Variants in SNX29 observed in about 807,000 individuals in gnomAD.
SNX29 encodes the protein sorting nexin-29.
In SNX29, 78 loss-of-function variants were observed where a neutral mutation model predicts 102.1. That is an observed-to-expected ratio of 0.76 (90% confidence interval 0.64 to 0.92). The LOEUF is 0.92. SNX29 is among the 40% of genes least tolerant of loss of function. The pLI, the probability that SNX29 is intolerant of heterozygous loss-of-function variation, is 0.00. For missense variants in SNX29, 1,280 were observed against 1,061.7 expected (o/e 1.21, Z -2.86); for synonymous variants, 580 against 414.5 (o/e 1.40, Z -4.85).
intron 10 of SNX29, among the ~76,000 whole-genome samples, 175 bp from the exon 11 acceptor site, chr16:12,078,658 A>G (rs1336190972): frequency 1.3e-5 from 2 of 152,228 alleles, no homozygotes; most frequent in Non-Finnish European, 2.9e-5. Context: ...TAGTGCGTAG[A>G]TGAATTTCCA....
At chr16:12,156,696 C>T (rs989247866) in intron 13 of SNX29, among the ~76,000 whole-genome samples, 1 of 152,244 alleles carries the variant, frequency 6.6e-6, no homozygotes. Context: ...GCAAGGCAGG[C>T]CTCTCTAGGT....
chr16:12,538,006 G>A (rs866881407), intron 20 of SNX29, among the ~76,000 whole-genome samples: 1 of 139,712 alleles, frequency 7.2e-6, no homozygotes, highest in African/African-American at 3.2e-5. Flanking sequence ...AAAAAAAATT[G>A]TCTGCCATTT....
At chr16:12,292,648 G>C (rs988734771) in intron 15 of SNX29, among the ~76,000 whole-genome samples, 3 of 152,202 alleles carry the variant, frequency 2.0e-5, no homozygotes, top group African/African-American at 7.2e-5. Context: ...TAGCAGTTTG[G>C]CTTGGAAGAC....
chr16:12,180,258 T>C (rs761341862), intron 13 of SNX29, among the ~76,000 whole-genome samples: 2 of 152,202 alleles, frequency 1.3e-5, no homozygotes, highest in Non-Finnish European at 2.9e-5. Flanking sequence ...ATTTCTGAAA[T>C]ACTTTCTTTA....
Position 12,429,421 on chromosome 16 carries a change from C to T in SNX29, c.2037+25892C>T, listed in dbSNP as rs192003362. 2.6e-5 allele frequency among the ~76,000 whole-genome samples: 4 copies of T among 152,226 alleles called. No individual in the cohort carries two copies. The East Asian group carries it at 7.7e-4, about 29-fold the overall frequency. On this transcript the variant is annotated intron_variant, in intron 18 of 20. Coordinates refer to ENST00000566228, the MANE Select transcript of SNX29 (RefSeq NM_032167.5). ...GTCACATGTAAACGTCTGTGTTCTG[C>T]TTTTCTTTTTCCTCTAAGAGACAGT...
Position 12,375,515 on chromosome 16 carries a change from G to C in SNX29, c.1899+19236G>C, listed in dbSNP as rs575107368. The C allele has an allele frequency of 1.4e-4, 21 of 152,294 alleles. No homozygotes were observed. In the South Asian group the frequency reaches 4.1e-3, roughly 30 times the overall value. The allele number at this position is 152,294 out of a possible 1,614,324, so 9.4% of individuals were successfully genotyped here. ...CAGCCGGTGACTGCAGACACCTCAG[G>C]GCTCTCCTAGGGAAGGATCTGCGTC... On this transcript the variant is annotated intron_variant, in intron 16 of 20. Coordinates refer to ENST00000566228, the MANE Select transcript of SNX29 (RefSeq NM_032167.5).
In SNX29 at chr16:12,504,063, C is replaced by T. The variant is rs1249767801; in HGVS notation, c.2179-20639C>T. Among the ~76,000 whole-genome samples the T allele has an allele frequency of 2.0e-5, 3 of 152,140 alleles. No homozygotes were observed. In the East Asian group the frequency reaches 5.8e-4, roughly 29 times the overall value. ...AGTCACCCCATCCTCTCCTGCCAAA[C>T]CCCAGACCTCAGCCCCTAGCAACCA... On this transcript the variant is annotated intron_variant, in intron 19 of 20. Coordinates refer to ENST00000566228, the MANE Select transcript of SNX29 (RefSeq NM_032167.5).
At chr16:12,059,956 C>T (rs929971015) in intron 8 of SNX29, among the ~76,000 whole-genome samples, 4 of 152,200 alleles carry the variant, frequency 2.6e-5, no homozygotes, top group Non-Finnish European at 4.4e-5. Flanking sequence ...TGCCTCCCTT[C>T]CCTTTGTCTG....
At chr16:12,171,354 G>A (rs1049202062) in intron 13 of SNX29, among the ~76,000 whole-genome samples, 7 of 152,028 alleles carry the variant, frequency 4.6e-5, no homozygotes, top group Non-Finnish European at 1.0e-4. Context: ...GAGAAAACAC[G>A]CACAGTTAGT....
chr16:12,033,765 C>G (rs1355548598), intron 4 of SNX29, among the ~76,000 whole-genome samples: 4 of 152,020 alleles, frequency 2.6e-5, no homozygotes, highest in African/African-American at 9.7e-5. Context: ...CATCACCATG[C>G]CTGGTTAAGT....
intron 18 of SNX29, among the ~76,000 whole-genome samples, chr16:12,418,372 AT>A (rs34752243): frequency 4.7e-5 from 7 of 149,858 alleles, no homozygotes; most frequent in African/African-American, 1.5e-4. Flanking sequence ...GATTGTATTT[AT>A]TTTTTTTTTG....
intron 20 of SNX29, among the ~76,000 whole-genome samples, chr16:12,543,013 C>T (rs534654621): frequency 1.3e-5 from 2 of 152,278 alleles, no homozygotes; most frequent in African/African-American, 4.8e-5. Context: ...TGGCTAGCTT[C>T]AGGAATGGCT....
At chr16:12,468,336 C>T (rs764676704) in intron 18 of SNX29, among the ~76,000 whole-genome samples, 30 of 151,902 alleles carry the variant, frequency 2.0e-4, no homozygotes, top group South Asian at 8.4e-4. Flanking sequence ...CACCATGCCC[C>T]GCTAATTTTT....
In SNX29 at chr16:12,521,123, T is replaced by G. The variant is rs2013587; in HGVS notation, c.2179-3579T>G. Reference sequence around the variant, plus strand: ...TGAACCTGGGAGGCGGAGGTTGCAGTGAGCTGAGATCGTGTCACTGCACTG... The same window carrying G: ...TGAACCTGGGAGGCGGAGGTTGCAGGGAGCTGAGATCGTGTCACTGCACTG... On this transcript the variant is annotated intron_variant, in intron 19 of 20. Coordinates refer to ENST00000566228, the MANE Select transcript of SNX29 (RefSeq NM_032167.5). Among the ~76,000 whole-genome samples, 1,348 of 152,142 alleles carry G rather than the reference T, an allele frequency of 8.9e-3. 19 individuals are homozygous for G. The highest frequency in any genetic ancestry group is 0.03 in the African/African-American group (1,260 of 41,518).
chr16:12,523,407 C>G (rs971850034), intron 19 of SNX29, among the ~76,000 whole-genome samples: 1 of 152,252 alleles, frequency 6.6e-6, no homozygotes, highest in African/African-American at 2.4e-5. Context: ...TGTTTCTTCA[C>G]CTTGCTTGGT....
chr16:12,066,100 C>A (rs779821075), intron 9 of SNX29, among the ~76,000 whole-genome samples: 3 of 152,220 alleles, frequency 2.0e-5, no homozygotes, highest in Non-Finnish European at 4.4e-5. Flanking sequence ...CCTCACTGAG[C>A]GCTCTCATTG....
At chr16:12,429,462 C>T (rs1271213664) in intron 18 of SNX29, among the ~76,000 whole-genome samples, 1 of 152,130 alleles carries the variant, frequency 6.6e-6, no homozygotes, top group Non-Finnish European at 1.5e-5. Context: ...ATTCTGTCAC[C>T]CAGACTGGAG....
At chr16:12,511,828 C>T (rs1426754196) in intron 19 of SNX29, among the ~76,000 whole-genome samples, 7 of 152,012 alleles carry the variant, frequency 4.6e-5, no homozygotes, top group Non-Finnish European at 1.0e-4. Context: ...AGCTCAAAAC[C>T]TCGGGCTGTC....
intron 16 of SNX29, among the ~76,000 whole-genome samples, chr16:12,366,577 A>G (rs144716882): frequency 5.6e-4 from 85 of 152,292 alleles, no homozygotes; most frequent in Middle Eastern, 6.8e-3. Context: ...CCCAGGTCCA[A>G]CTGGCCTCCC....
Sources: gnomAD v4.1 joint callset for allele counts (sites outside exome capture counted in the v4.1 genomes callset) on GRCh38, gnomAD v4.1.1 for gene constraint, MANE v1.5 for transcripts, NCBI Gene and HGNC (gene_info 2026-07-23, HGNC 2026-07-21) for gene names.